Variants in GMDS observed in about 807,000 individuals in gnomAD.
GMDS encodes the protein GDP-mannose 4,6-dehydratase, also known as GDP-mannose 4,6 dehydratase.
In GMDS, 20 loss-of-function variants were observed where a neutral mutation model predicts 49.9. The observed-to-expected ratio is 0.40, with a 90% confidence interval of 0.28 to 0.58. The LOEUF is 0.58. GMDS is among the 20% of genes least tolerant of loss of function. The probability of loss-of-function intolerance (pLI) is 0.42; values close to 1 mark genes in which losing one functional copy is unlikely to be tolerated. For missense variants in GMDS, 362 were observed against 481.4 expected, an observed-to-expected ratio of 0.75 and a Z score of 2.32; for synonymous variants, 177 against 178.6, an observed-to-expected ratio of 0.99 and a Z score of 0.07.
At chr6:1,972,268 T>G (rs1028098525) in intron 4 of GMDS, among the ~76,000 whole-genome samples, 4 of 150,942 alleles carry the variant, frequency 2.7e-5, no homozygotes, top group Admixed American at 6.6e-5. Context: ...TTTTGTTTTT[T>G]TTTTTTTTTT....
chr6:1,887,397 T>C (rs1363425354), intron 7 of GMDS, among the ~76,000 whole-genome samples: 2 of 152,156 alleles, frequency 1.3e-5, no homozygotes, highest in South Asian at 4.1e-4. Flanking sequence ...TTTCTAGGTA[T>C]ATTTTTGATT....
chr6:1,777,054 C>T (rs1768866300), intron 7 of GMDS, among the ~76,000 whole-genome samples: 1 of 152,216 alleles, frequency 6.6e-6, no homozygotes. Flanking sequence ...GACACTAATT[C>T]TAGGCACATT....
intron 9 of GMDS, among the ~76,000 whole-genome samples, chr6:1,671,641 T>C (rs967674328): frequency 2.0e-5 from 3 of 151,416 alleles, no homozygotes; most frequent in South Asian, 2.1e-4. Flanking sequence ...AAAAGTAATC[T>C]TGGTTTTTGC....
intron 1 of GMDS, among the ~76,000 whole-genome samples, chr6:2,148,034 C>T (rs146800339): frequency 1.3e-5 from 2 of 152,000 alleles, no homozygotes; most frequent in East Asian, 3.9e-4. Flanking sequence ...TCTCAAAGTG[C>T]GGCACCCATA....
intron 9 of GMDS, among the ~76,000 whole-genome samples, chr6:1,642,235 C>T (rs1318130618): frequency 4.2e-5 from 6 of 143,444 alleles, no homozygotes; most frequent in Non-Finnish European, 6.0e-5. Context: ...GGTGTGATCT[C>T]GGCTCACTGC....
At chr6:1,644,248 C>T (rs559873213) in intron 9 of GMDS, among the ~76,000 whole-genome samples, 13 of 152,226 alleles carry the variant, frequency 8.5e-5, no homozygotes, top group Non-Finnish European at 1.8e-4. Context: ...CCCGAGCGAA[C>T]GTGTGAACGA....
At chr6:2,039,263 G>A (rs1047989851) in intron 4 of GMDS, among the ~76,000 whole-genome samples, 2 of 152,178 alleles carry the variant, frequency 1.3e-5, no homozygotes, top group Non-Finnish European at 2.9e-5. Context: ...AGGACTGGAA[G>A]TTGCTCTGGG....
intron 4 of GMDS, among the ~76,000 whole-genome samples, chr6:1,969,196 C>T (rs1339263986): frequency 3.8e-4 from 47 of 123,360 alleles, no homozygotes; most frequent in South Asian, 5.8e-4. Context: ...CGGGAGGCGG[C>T]GCTTGCAGTG....
At chr6:2,099,140 T>G (rs974132770) in intron 4 of GMDS, among the ~76,000 whole-genome samples, 8 of 152,114 alleles carry the variant, frequency 5.3e-5, no homozygotes, top group Non-Finnish European at 8.8e-5. Context: ...AAACTCTCAT[T>G]TAGCATACAT....
chr6:2,094,040 G>A (rs184562933), intron 4 of GMDS, among the ~76,000 whole-genome samples: 88 of 152,248 alleles, frequency 5.8e-4, no homozygotes, highest in African/African-American at 2.1e-3. Flanking sequence ...AATGAAATGT[G>A]GGCCTTTGTG....
At chr6:2,031,558 A>G (rs1232352573) in intron 4 of GMDS, among the ~76,000 whole-genome samples, 1 of 152,124 alleles carries the variant, frequency 6.6e-6, no homozygotes, top group African/African-American at 2.4e-5. Flanking sequence ...AATCTGAGAT[A>G]GGGTGACCAG....
intron 6 of GMDS, chr6:1,952,087 A>G: frequency 3.3e-6 from 2 of 602,088 alleles, no homozygotes; most frequent in Non-Finnish European, 4.2e-6. Context: ...TGGCTTCACG[A>G]CCTTGGACAA....
intron 7 of GMDS, among the ~76,000 whole-genome samples, chr6:1,868,859 GA>G (rs1343736727): frequency 2.0e-5 from 3 of 152,124 alleles, no homozygotes; most frequent in African/African-American, 4.8e-5. Flanking sequence ...TTTGAAATCA[GA>G]AAATTATGAA....
chr6:1,930,483 A>T (rs1762238468), intron 6 of GMDS: 2 of 338,508 alleles, frequency 5.9e-6, no homozygotes, highest in Non-Finnish European at 1.1e-5. Flanking sequence ...GGACATCTTA[A>T]CATTCCTAAT....
intron 1 of GMDS, among the ~76,000 whole-genome samples, chr6:2,153,578 C>G (rs948959426): frequency 3.3e-5 from 5 of 151,970 alleles, no homozygotes; most frequent in Non-Finnish European, 7.4e-5. Flanking sequence ...AACTCATAAA[C>G]AGATTTACAG....
At chr6:1,949,939 C>A (rs1763259002) in intron 6 of GMDS, among the ~76,000 whole-genome samples, 1 of 152,314 alleles carries the variant, frequency 6.6e-6, no homozygotes, top group South Asian at 2.1e-4. Context: ...AGCCACAAAG[C>A]ACCTTTTATA....
At chr6:1,668,036 T>C (rs1764290750) in intron 9 of GMDS, among the ~76,000 whole-genome samples, 1 of 152,216 alleles carries the variant, frequency 6.6e-6, no homozygotes, top group South Asian at 2.1e-4. Context: ...GGAGTGATCG[T>C]ACCTGGCTAT....
intron 7 of GMDS, among the ~76,000 whole-genome samples, chr6:1,743,492 G>A (rs1041798765): frequency 2.8e-5 from 4 of 141,694 alleles, no homozygotes; most frequent in East Asian, 2.2e-4. Flanking sequence ...GCAGGGAGCC[G>A]AGATCGCGCC....
chr6:2,180,924 T>C (rs993409892), intron 1 of GMDS, among the ~76,000 whole-genome samples: 1 of 152,062 alleles, frequency 6.6e-6, no homozygotes, highest in East Asian at 1.9e-4. Flanking sequence ...TCCCAGCACT[T>C]TGGGAGGCTG....
Sources: allele counts gnomAD v4.1 joint callset (sites outside exome capture counted in the v4.1 genomes callset), GRCh38; gene constraint gnomAD v4.1.1; transcripts MANE v1.5; gene names NCBI Gene and HGNC (gene_info 2026-07-23, HGNC 2026-07-21).